The following CEP128 variants were observed in gnomAD, a reference collection of about 807,000 sequenced individuals.
CEP128 encodes centrosomal protein 128kDa.
In CEP128, 132 loss-of-function variants were observed where a neutral mutation model predicts 156.7. The observed-to-expected ratio is 0.84, with a 90% confidence interval of 0.73 to 0.97. CEP128 has a LOEUF of 0.97. Ranked by LOEUF, CEP128 falls within the 50% of genes least tolerant of loss-of-function variation. The probability of loss-of-function intolerance (pLI) is 0.00; values close to 1 mark genes in which losing one functional copy is unlikely to be tolerated. For synonymous variants in CEP128, 469 were observed against 448.9 expected (o/e 1.04, Z -0.57); for missense variants, 1,252 against 1,281.9 (o/e 0.98, Z 0.36).
chr14:80,652,216 G>C (rs1480133312), intron 19 of CEP128, among the ~76,000 whole-genome samples: 2 of 151,984 alleles, frequency 1.3e-5, no homozygotes, highest in Non-Finnish European at 2.9e-5. Context: ...AGACCTAAAT[G>C]TAAGACCTAA....
intron 18 of CEP128, among the ~76,000 whole-genome samples, chr14:80,751,956 T>C (rs772291783): frequency 6.6e-6 from 1 of 152,038 alleles, no homozygotes; most frequent in Non-Finnish European, 1.5e-5. Flanking sequence ...ACCTTTGCAG[T>C]TGAGTAGTTG....
At chr14:80,578,510 T>G (rs1461001229) in intron 20 of CEP128, among the ~76,000 whole-genome samples, 2 of 152,202 alleles carry the variant, frequency 1.3e-5, no homozygotes, top group African/African-American at 4.8e-5. Context: ...TGGGATCATC[T>G]AATCCACACT....
chr14:80,536,610 C>G (rs561617251), intron 21 of CEP128, among the ~76,000 whole-genome samples: 123 of 152,258 alleles, frequency 8.1e-4, no homozygotes, highest in African/African-American at 2.9e-3. Flanking sequence ...AGGGTGAGAT[C>G]ATGAAATGGA....
chr14:80,783,388 C>T (rs770121661), intron 15 of CEP128, among the ~76,000 whole-genome samples: 1 of 152,118 alleles, frequency 6.6e-6, no homozygotes, highest in Non-Finnish European at 1.5e-5. Flanking sequence ...GCTGTAAGAC[C>T]GTGGGCAAAT....
At chr14:80,905,585 C>T (rs898613611) in intron 5 of CEP128, 3 of 176,240 alleles carry the variant, frequency 1.7e-5, no homozygotes, top group Admixed American at 6.1e-5. Context: ...TCTTAACAAG[C>T]ATCACAGGGT....
chr14:80,757,103 A>G, intron 17 of CEP128, 152 bp from the exon 18 acceptor site: 1 of 579,564 alleles, frequency 1.7e-6, no homozygotes, highest in Non-Finnish European at 3.1e-6. Context: ...AACCAGTTCC[A>G]AACTAGCATT....
intron 21 of CEP128, among the ~76,000 whole-genome samples, chr14:80,548,700 A>T (rs1043994270): frequency 6.6e-6 from 1 of 152,220 alleles, no homozygotes; most frequent in Non-Finnish European, 1.5e-5. Context: ...TATAAAACAC[A>T]TTATCAACCA....
chr14:80,683,706 T>C (rs1896413446), intron 19 of CEP128, among the ~76,000 whole-genome samples: 1 of 152,110 alleles, frequency 6.6e-6, no homozygotes, highest in African/African-American at 2.4e-5. Flanking sequence ...ACACTGACCA[T>C]AAGCTCAGCC....
At chr14:80,920,817 A>G (rs1884818466) in intron 2 of CEP128, among the ~76,000 whole-genome samples, 1 of 152,238 alleles carries the variant, frequency 6.6e-6, no homozygotes, top group Non-Finnish European at 1.5e-5. Flanking sequence ...GCACTCCTAC[A>G]CTTTCCTAAT....
intron 19 of CEP128, among the ~76,000 whole-genome samples, chr14:80,667,857 CAAAAA>C (rs3070047): frequency 1.1e-5 from 1 of 90,036 alleles, no homozygotes; most frequent in Non-Finnish European, 2.3e-5. Context: ...GACTCCATCT[CAAAAA>C]AAAAAAAAAA....
chr14:80,901,265 G>A (rs1419653921), intron 6 of CEP128, among the ~76,000 whole-genome samples: 2 of 152,034 alleles, frequency 1.3e-5, no homozygotes, highest in African/African-American at 4.8e-5. Flanking sequence ...TAGTGGCCTG[G>A]GTGAGGGTTA....
chr14:80,868,718 T>C (rs896027980), intron 8 of CEP128, among the ~76,000 whole-genome samples: 3 of 152,050 alleles, frequency 2.0e-5, no homozygotes, highest in African/African-American at 7.2e-5. Context: ...ACTTAGACTT[T>C]TTCTAATGAC....
chr14:80,507,026 T>G, intron 23 of CEP128, among the ~76,000 whole-genome samples: 1 of 151,816 alleles, frequency 6.6e-6, no homozygotes, highest in East Asian at 2.0e-4. Context: ...GTGTGGCACC[T>G]CCCCTCAGCT....
chr14:80,945,266 G>A (rs868428868), upstream of CEP128, among the ~76,000 whole-genome samples: 10 of 152,014 alleles, frequency 6.6e-5, no homozygotes, highest in South Asian at 4.1e-4. Context: ...AACGACACCC[G>A]TTATCTTGAA....
intron 2 of CEP128, among the ~76,000 whole-genome samples, chr14:80,926,567 T>C (rs1885158766): frequency 1.3e-5 from 2 of 152,212 alleles, no homozygotes. Context: ...CCCATCCACC[T>C]ACTCTGGTAG....
chr14:80,826,480 A>G (rs1396592997), intron 13 of CEP128, among the ~76,000 whole-genome samples: 1 of 152,202 alleles, frequency 6.6e-6, no homozygotes, highest in Non-Finnish European at 1.5e-5. Flanking sequence ...TCTCATTATT[A>G]AAAGTAATAT....
intron 19 of CEP128, among the ~76,000 whole-genome samples, chr14:80,593,644 A>T (rs1015218477): frequency 6.6e-6 from 1 of 152,040 alleles, no homozygotes; most frequent in Non-Finnish European, 1.5e-5. Context: ...CAAAATCAAT[A>T]TGCAAAAATC....
chr14:80,629,099 T>C (rs1893855893), intron 19 of CEP128, among the ~76,000 whole-genome samples: 1 of 151,650 alleles, frequency 6.6e-6, no homozygotes, highest in Admixed American at 6.6e-5. Flanking sequence ...AATCAAGATT[T>C]CAGGCCAATA....
At chr14:80,723,723 T>C (rs574663032) in intron 19 of CEP128, among the ~76,000 whole-genome samples, 1 of 152,296 alleles carries the variant, frequency 6.6e-6, no homozygotes, top group East Asian at 1.9e-4. Context: ...AAAGTGGTGC[T>C]ATTATGTTCC....
Sources: allele counts gnomAD v4.1 joint callset (sites outside exome capture counted in the v4.1 genomes callset), GRCh38; gene constraint gnomAD v4.1.1; transcripts MANE v1.5; gene names NCBI Gene and HGNC (gene_info 2026-07-23, HGNC 2026-07-21).